Variants in NTN1 observed in about 807,000 individuals in gnomAD.
NTN1 encodes netrin 1, also known as netrin-1.
NTN1 carries 11 observed loss-of-function variants against 54.2 expected under a neutral mutation model. The ratio of observed to expected loss-of-function variants is 0.20; its 90% CI spans 0.13 to 0.34. The LOEUF (loss-of-function observed/expected upper bound fraction) is 0.34, where lower values mean the gene tolerates loss of function less well. NTN1 is among the 10% of genes least tolerant of loss of function. NTN1 has a pLI of 1.00. For missense variants in NTN1, 740 were observed against 893.1 expected, an observed-to-expected ratio of 0.83 and a Z score of 2.18; for synonymous variants, 371 against 382.0, an observed-to-expected ratio of 0.97 and a Z score of 0.33.
At chr17:9,077,047 G>A (rs1290110737) in intron 2 of NTN1, among the ~76,000 whole-genome samples, 3 of 152,198 alleles carry the variant, frequency 2.0e-5, no homozygotes, top group Non-Finnish European at 4.4e-5. Context: ...CATCAGACAG[G>A]TGGGTGAGCA....
At chr17:9,194,072 C>T (rs1229143308) in intron 5 of NTN1, among the ~76,000 whole-genome samples, 2 of 151,352 alleles carry the variant, frequency 1.3e-5, no homozygotes, top group African/African-American at 4.9e-5. Flanking sequence ...CCCATCTCTA[C>T]TAAAAATACA....
chr17:9,193,961 C>T (rs68169919), intron 5 of NTN1, among the ~76,000 whole-genome samples: 34,750 of 132,202 alleles, frequency 0.26, 4,403 homozygotes, highest in East Asian at 0.33. Context: ...GCAGGTTGGG[C>T]GCAGAGGCTC....
At chr17:9,185,035 A>G (rs2092429245) in intron 5 of NTN1, among the ~76,000 whole-genome samples, 1 of 152,256 alleles carries the variant, frequency 6.6e-6, no homozygotes, top group Admixed American at 6.5e-5. Flanking sequence ...CGAGCAGTAA[A>G]TAAACACCCT....
chr17:9,054,132 G>A lies in NTN1; in HGVS notation c.1018+30741G>A, dbSNP rs1163649751. 2.6e-5 allele frequency among the ~76,000 whole-genome samples: 4 copies of A among 152,176 alleles called. No homozygotes were observed. The East Asian group carries it at 5.8e-4, about 22-fold the overall frequency. On this transcript the variant is annotated intron_variant, in intron 2 of 6. Coordinates refer to ENST00000173229, the MANE Select transcript of NTN1 (RefSeq NM_004822.3). Reference sequence around the variant, plus strand: ...CTCCAGCCTGATGGGAACGAAGGGCGGACAGTGAACACGATTCTCTCTCCC... The same window carrying A: ...CTCCAGCCTGATGGGAACGAAGGGCAGACAGTGAACACGATTCTCTCTCCC...
intron 2 of NTN1, among the ~76,000 whole-genome samples, chr17:9,103,466 A>C (rs1471664736): frequency 6.6e-6 from 1 of 152,060 alleles, no homozygotes; most frequent in African/African-American, 2.4e-5. Context: ...GTGAGTTCTC[A>C]TGAGATCTGA....
intron 2 of NTN1, among the ~76,000 whole-genome samples, chr17:9,063,794 C>A (rs555741064): frequency 6.6e-6 from 1 of 151,682 alleles, no homozygotes; most frequent in Non-Finnish European, 1.5e-5. Flanking sequence ...GTGATCCGCC[C>A]GCCTCGGCCT....
At chr17:9,081,982 C>A (rs1179987999) in intron 2 of NTN1, among the ~76,000 whole-genome samples, 2 of 152,190 alleles carry the variant, frequency 1.3e-5, no homozygotes, top group East Asian at 3.8e-4. Context: ...AACCTTGTCT[C>A]CAGTCTGCAG....
intron 2 of NTN1, among the ~76,000 whole-genome samples, chr17:9,086,175 G>A (rs2142228602): frequency 6.6e-6 from 1 of 152,232 alleles, no homozygotes; most frequent in Middle Eastern, 3.4e-3. Flanking sequence ...GTAGGTGTAG[G>A]GAGATAAGTT....
Position 9,242,935 on chromosome 17 carries a change from C to T in NTN1, c.*2967C>T, listed in dbSNP as rs1906272150. 1 of 152,220 alleles carries T rather than the reference C, an allele frequency of 6.6e-6. No homozygotes were observed. Among genetic ancestry groups the T allele is most frequent in the Non-Finnish European group, 1.5e-5 (1 of 68,036 alleles). The allele number at this position is 152,220 out of a possible 1,614,324, so 9.4% of individuals were successfully genotyped here. ...AGTTAGGAAGGGATGTAAAACGGAA[C>T]TAGATTTTGATTTTGAAGAGTGTAT... is the stretch of plus-strand genomic sequence containing the variant. On this transcript the variant is annotated 3_prime_UTR_variant, in exon 7 of 7. Transcript: ENST00000173229.
intron 2 of NTN1, among the ~76,000 whole-genome samples, chr17:9,138,536 C>A (rs530316447): frequency 6.6e-6 from 1 of 152,144 alleles, no homozygotes; most frequent in Non-Finnish European, 1.5e-5. Context: ...AAGTGCCCTG[C>A]GTGGATGGGA....
intron 6 of NTN1, among the ~76,000 whole-genome samples, chr17:9,227,417 CACAT>C (rs1261892674): frequency 1.4e-5 from 2 of 146,960 alleles, no homozygotes; most frequent in South Asian, 2.2e-4. Flanking sequence ...ACCACATGCA[CACAT>C]ACATACACCA....
intron 2 of NTN1, among the ~76,000 whole-genome samples, chr17:9,049,059 A>G (rs1019060879): frequency 6.6e-6 from 1 of 152,192 alleles, no homozygotes; most frequent in African/African-American, 2.4e-5. Context: ...AATGCATTAG[A>G]TGAAACAAGT....
intron 5 of NTN1, among the ~76,000 whole-genome samples, chr17:9,210,240 C>T (rs1203298987): frequency 6.6e-6 from 1 of 152,060 alleles, no homozygotes; most frequent in Non-Finnish European, 1.5e-5. Flanking sequence ...ACCCTCTTCC[C>T]TCAGACCTTC....
chr17:9,056,496 G>A (rs888500929), intron 2 of NTN1, among the ~76,000 whole-genome samples: 2 of 152,178 alleles, frequency 1.3e-5, no homozygotes, highest in African/African-American at 4.8e-5. Context: ...GTTAGTTGGT[G>A]GCTAATGGGT....
chr17:9,027,101 G>T (rs1304918498), intron 2 of NTN1, among the ~76,000 whole-genome samples: 1 of 152,144 alleles, frequency 6.6e-6, no homozygotes, highest in Non-Finnish European at 1.5e-5. Context: ...AGAGAGGGAG[G>T]TTATATTGGA....
chr17:9,122,705 G>A (rs1227152145), intron 2 of NTN1, among the ~76,000 whole-genome samples: 1 of 152,216 alleles, frequency 6.6e-6, no homozygotes, highest in African/African-American at 2.4e-5. Flanking sequence ...GAAAACGCAA[G>A]TAACAGTTTA....
chr17:9,015,562 T>C, the NTN1 span, among the ~76,000 whole-genome samples: 4 of 152,086 alleles, frequency 2.6e-5, no homozygotes, highest in Non-Finnish European at 4.4e-5. Flanking sequence ...TGCCATCTGG[T>C]GCCCCCGTTC....
chr17:9,212,473 C>A lies in NTN1; in HGVS notation c.1412-8695C>A, dbSNP rs182412193. Among the ~76,000 whole-genome samples, 3 of 152,348 alleles carry A rather than the reference C, an allele frequency of 2.0e-5. No homozygotes were observed. Among genetic ancestry groups the A allele is most frequent in the Non-Finnish European group, 4.4e-5 (3 of 68,030 alleles). On this transcript the variant is annotated intron_variant, in intron 5 of 6. Coordinates refer to ENST00000173229, the MANE Select transcript of NTN1 (RefSeq NM_004822.3). The surrounding 1 kb of genome is among the most constrained non-coding windows in gnomAD (Gnocchi z 5.5). ...CTTTCTGGTTCTAGATCAGGCAGCA[C>A]CAAACATACTTTCTGGGCAGACTGG...
At chr17:9,016,012 T>A in the NTN1 span, among the ~76,000 whole-genome samples, 4 of 151,834 alleles carry the variant, frequency 2.6e-5, no homozygotes, top group Non-Finnish European at 4.4e-5. Flanking sequence ...AGGCGGAGGT[T>A]GCAGTGAGCC....
Sources: allele counts gnomAD v4.1 joint callset (sites outside exome capture counted in the v4.1 genomes callset), GRCh38; gene constraint gnomAD v4.1.1; non-coding constraint Gnocchi (gnomAD v3.1); transcripts MANE v1.5; gene names NCBI Gene and HGNC (gene_info 2026-07-23, HGNC 2026-07-21).